The following DNAAF11 variants were observed in gnomAD, a reference collection of about 807,000 sequenced individuals.
DNAAF11 encodes the protein leucine rich repeat containing 6.
A neutral mutation model predicts 60.8 loss-of-function variants in DNAAF11; 45 were observed. That is an observed-to-expected ratio of 0.74 (90% CI 0.58 to 0.95). DNAAF11 has a LOEUF of 0.95. DNAAF11 is among the 40% of genes least tolerant of loss of function. The pLI, the probability that DNAAF11 is intolerant of heterozygous loss-of-function variation, is 0.00. For missense variants in DNAAF11, 546 were observed against 546.2 expected (o/e 1.00, Z 0.00); for synonymous variants, 191 against 183.5 (o/e 1.04, Z -0.33).
chr8:132,619,861 TAC>T (rs1819581602), intron 7 of DNAAF11, among the ~76,000 whole-genome samples: 1 of 152,138 alleles, frequency 6.6e-6, no homozygotes, highest in Non-Finnish European at 1.5e-5. Flanking sequence ...TCAGGGTGCT[TAC>T]ACAGACTGAT....
intron 9 of DNAAF11, 122 bp from the exon 10 acceptor site, chr8:132,610,383 T>C (rs1818542901): frequency 6.3e-6 from 4 of 637,936 alleles, no homozygotes; most frequent in Non-Finnish European, 8.3e-6. Flanking sequence ...GTGCTTAAGC[T>C]TATTAAAAAT....
At chr8:132,597,863 A>AT (rs1817186177) in intron 10 of DNAAF11, among the ~76,000 whole-genome samples, 1 of 152,144 alleles carries the variant, frequency 6.6e-6, no homozygotes, top group Non-Finnish European at 1.5e-5. Flanking sequence ...TTGGGGGGGA[A>AT]TTTCACAGGA....
At chr8:132,599,295 CA>C in intron 10 of DNAAF11, among the ~76,000 whole-genome samples, 1 of 152,004 alleles carries the variant, frequency 6.6e-6, no homozygotes, top group South Asian at 2.1e-4. Context: ...GCCTACCAAC[CA>C]AAAAAAGTCC....
upstream of DNAAF11, among the ~76,000 whole-genome samples, chr8:132,677,118 C>T (rs116551515): frequency 0.012 from 1,767 of 152,256 alleles, 40 homozygotes; most frequent in African/African-American, 0.04. Context: ...GCCACTGACA[C>T]GCTGACACTG....
intron 5 of DNAAF11, among the ~76,000 whole-genome samples, chr8:132,630,389 A>G (rs1333176806): frequency 6.6e-6 from 1 of 152,204 alleles, no homozygotes; most frequent in South Asian, 2.1e-4. Context: ...TCAATGGTGC[A>G]GACAATTAGC....
intron 7 of DNAAF11, among the ~76,000 whole-genome samples, chr8:132,616,111 T>C (rs1272357379): frequency 2.0e-5 from 3 of 152,140 alleles, no homozygotes; most frequent in Non-Finnish European, 2.9e-5. Context: ...AATTTTCCTA[T>C]GGCAGAGATT....
chr8:132,656,763 C>T, intron 3 of DNAAF11, 67 bp downstream of exon 3: 1 of 715,874 alleles, frequency 1.4e-6, no homozygotes, highest in Non-Finnish European at 2.4e-6. Context: ...TGAGCCACTG[C>T]ACCTGGCCTT....
rs1814239363 is a variant in DNAAF11, at chr8:132,572,006, C to T, written c.*300G>A. The T allele has an allele frequency of 8.1e-6, 2 of 247,836 alleles. No individual in the cohort carries two copies. Among genetic ancestry groups the T allele is most frequent in the South Asian group, 3.4e-4 (2 of 5,862 alleles). 15.4% of individuals were successfully genotyped at this position (247,836 alleles called of 1,614,324 possible). A position where few individuals can be genotyped will look rare whatever the true frequency, so the allele number is the denominator to read the frequency against. ...CAGTCCTTTTATCTATGAATTAATACTTTGCATAAGTAGACAGTATTTATA... is the reference window on the plus strand; with the variant it reads ...CAGTCCTTTTATCTATGAATTAATATTTTGCATAAGTAGACAGTATTTATA... On this transcript the variant is annotated 3_prime_UTR_variant, in exon 12 of 12. Transcript: ENST00000620350.
chr8:132,692,647 T>C, the DNAAF11 span, among the ~76,000 whole-genome samples: 28 of 152,322 alleles, frequency 1.8e-4, no homozygotes, highest in South Asian at 4.1e-4. Flanking sequence ...CCCAGTGCCT[T>C]GTGAAGGTGC....
At chr8:132,605,396 TGGAAAAATAATCA>T (rs1818031170) in intron 10 of DNAAF11, among the ~76,000 whole-genome samples, 1 of 152,028 alleles carries the variant, frequency 6.6e-6, no homozygotes, top group Non-Finnish European at 1.5e-5. Context: ...AAAATACATA[TGGAAAAATAATCA>T]GGAAATAGTT....
chr8:132,607,348 A>G (rs2129884615), intron 10 of DNAAF11, among the ~76,000 whole-genome samples: 1 of 152,312 alleles, frequency 6.6e-6, no homozygotes, highest in East Asian at 1.9e-4. Flanking sequence ...GTATTACAGC[A>G]ATCTGTAGTA....
chr8:132,617,908 G>A (rs1157590038), intron 7 of DNAAF11, among the ~76,000 whole-genome samples: 322 of 149,616 alleles, frequency 2.2e-3, no homozygotes, highest in Non-Finnish European at 4.0e-3. Flanking sequence ...TCCCCATCAA[G>A]CTACCAATGA....
At chr8:132,691,398 G>T in the DNAAF11 span, among the ~76,000 whole-genome samples, 1 of 152,072 alleles carries the variant, frequency 6.6e-6, no homozygotes, top group East Asian at 1.9e-4. Flanking sequence ...GACAGCCCAG[G>T]CTCATCTTGT....
At chr8:132,692,163 A>G in the DNAAF11 span, among the ~76,000 whole-genome samples, 1 of 151,678 alleles carries the variant, frequency 6.6e-6, no homozygotes, top group Non-Finnish European at 1.5e-5. Flanking sequence ...AGTGACAGAG[A>G]AAATAGTGAC....
intron 11 of DNAAF11, among the ~76,000 whole-genome samples, chr8:132,581,192 T>C (rs1231092091): frequency 6.6e-6 from 1 of 152,114 alleles, no homozygotes; most frequent in Non-Finnish European, 1.5e-5. Flanking sequence ...AAAGCAAAAG[T>C]ATAAAGCCTT....
At chr8:132,591,988 A>G (rs1038826184) in intron 10 of DNAAF11, among the ~76,000 whole-genome samples, 1 of 152,328 alleles carries the variant, frequency 6.6e-6, no homozygotes, top group African/African-American at 2.4e-5. Context: ...TTAAAATAAT[A>G]CTCAATTCTT....
At chr8:132,690,117 A>G in the DNAAF11 span, among the ~76,000 whole-genome samples, 5 of 152,200 alleles carry the variant, frequency 3.3e-5, no homozygotes, top group African/African-American at 4.8e-5. Context: ...AGATTTTTAG[A>G]AAAATTGCAA....
At chr8:132,625,515 G>T in intron 5 of DNAAF11, 61 bp from the exon 6 acceptor site, 3 of 1,254,702 alleles carry the variant, frequency 2.4e-6, no homozygotes, top group South Asian at 1.5e-5. Flanking sequence ...CATCCTTAAT[G>T]CTGGCCCTTT....
chr8:132,700,411 G>A, the DNAAF11 span, among the ~76,000 whole-genome samples: 1 of 151,790 alleles, frequency 6.6e-6, no homozygotes, highest in East Asian at 1.9e-4. Context: ...AGCAGTTCAT[G>A]TTAATGAATA....
Sources: allele counts gnomAD v4.1 joint callset (sites outside exome capture counted in the v4.1 genomes callset), GRCh38; gene constraint gnomAD v4.1.1; transcripts MANE v1.5; gene names NCBI Gene and HGNC (gene_info 2026-07-23, HGNC 2026-07-21).